Variants in MTFR1 observed in about 807,000 individuals in gnomAD.
MTFR1 encodes chondrocyte protein with a poly-proline region.
MTFR1 carries 28 observed loss-of-function variants against 38.8 expected under a neutral mutation model. The observed-to-expected ratio is 0.72, with a 90% confidence interval of 0.53 to 0.99. MTFR1 has a LOEUF of 0.99. Among genes scored for constraint, MTFR1 ranks in the 50% least tolerant of loss-of-function variants. MTFR1 has a pLI of 0.00. For missense variants in MTFR1, 358 were observed against 395.5 expected, an observed-to-expected ratio of 0.91 and a Z score of 0.81; for synonymous variants, 145 against 137.0, an observed-to-expected ratio of 1.06 and a Z score of -0.41.
rs536819533 is a variant in MTFR1, at chr8:65,770,649, A to G, written c.*49-298A>G. Among the ~76,000 whole-genome samples, 3 of 152,350 alleles carry G rather than the reference A, an allele frequency of 2.0e-5. No individual in the cohort carries two copies. The East Asian group carries it at 5.8e-4, about 29-fold the overall frequency. On this transcript the variant is annotated intron_variant, in intron 3 of 3. Transcript: ENST00000521247. ...TTAATACATGTTCCTATTATAAACA[A>G]GGTGAAAGTGAATGTCTTTGCACAT... is the stretch of plus-strand genomic sequence containing the variant.
At position 65,644,961 on chromosome 8, in the gene MTFR1, G is replaced by A. The variant is rs551416810; in HGVS notation, c.-81+177G>A. 3.3e-5 allele frequency among the ~76,000 whole-genome samples: 5 copies of A among 152,336 alleles called. No homozygotes were observed. The East Asian group carries it at 9.6e-4, about 29-fold the overall frequency. ...CGGTTGAGTGTTTGCCCCGCGGCCGGGAGGCAGAGACTGCCTCGGCTGAGG... is the reference window on the plus strand; with the variant it reads ...CGGTTGAGTGTTTGCCCCGCGGCCGAGAGGCAGAGACTGCCTCGGCTGAGG... On this transcript the variant is annotated intron_variant, in intron 1 of 7. Transcript: ENST00000262146.
At chr8:65,715,996 CAAAAAAAAAAAAAA>C (rs779701295) in intron 2 of MTFR1, among the ~76,000 whole-genome samples, 1,077 of 33,964 alleles carry the variant, frequency 0.032, 18 homozygotes, top group Admixed American at 0.065. Context: ...GGCTCTGTCT[CAAAAAAAAAAAAAA>C]AAAAAAAAAA....
At chr8:65,715,379 GTTT>G (rs869132666), downstream of MTFR1, among the ~76,000 whole-genome samples, 3 of 133,364 alleles carry the variant, frequency 2.2e-5, no homozygotes, top group African/African-American at 2.7e-5. Flanking sequence ...CTATAAAAAA[GTTT>G]TTTTTTTTTT....
chr8:65,719,421 T>C (rs1385236263), exon 3 of MTFR1: 1 of 1,614,022 alleles, frequency 6.2e-7, no homozygotes. Flanking sequence ...TGTCCAAGCA[T>C]TGTCTGGGAT....
At chr8:65,688,500 G>A in intron 3 of MTFR1, among the ~76,000 whole-genome samples, 1 of 146,350 alleles carries the variant, frequency 6.8e-6, no homozygotes. Flanking sequence ...CCAGGCTGGA[G>A]TGCAGTGGCG....
At chr8:65,730,400 G>A (rs529449610) in intron 3 of MTFR1, among the ~76,000 whole-genome samples, 21 of 151,162 alleles carry the variant, frequency 1.4e-4, no homozygotes, top group Admixed American at 3.9e-4. Context: ...GGCTGGTCTC[G>A]AACTCCCAAC....
intron 2 of MTFR1, among the ~76,000 whole-genome samples, chr8:65,677,183 C>T (rs1804734441): frequency 6.7e-6 from 1 of 150,270 alleles, no homozygotes; most frequent in Admixed American, 6.7e-5. Context: ...GCAATTCTGC[C>T]TCAAGCCTCC....
In MTFR1 at chr8:65,682,395, G is replaced by A. The variant is rs535623523; in HGVS notation, c.109G>A (p.Val37Ile). 1.6e-5 allele frequency: 25 copies of A among 1,571,580 alleles called. No homozygotes were observed. The highest frequency in any genetic ancestry group is 1.7e-4 in the Middle Eastern group (1 of 5,936). ...RKPYGSSRSI[V>I]RKIGTNLSLI... is the part of the protein sequence containing the mutation. ...GCCATATGGTTCGTCTCGAAGTATC[G>A]TAAGGAAAATTGGTACTAATTTGTC... Residue 37 changes from valine (V) to isoleucine (I), a missense_variant, in exon 3 of 8, where the codon GTA becomes ATA. Physicochemically the swap from Val to Ile is conservative, Grantham distance 29. Transcript: ENST00000262146.
chr8:65,644,274 T>C (rs952007496), upstream of MTFR1, among the ~76,000 whole-genome samples: 5 of 152,172 alleles, frequency 3.3e-5, no homozygotes, highest in South Asian at 8.3e-4. Flanking sequence ...CCCGCACTCC[T>C]GCTCTGCCTA....
At chr8:65,665,723 A>G (rs1223830673) in intron 1 of MTFR1, among the ~76,000 whole-genome samples, 1 of 152,208 alleles carries the variant, frequency 6.6e-6, no homozygotes, top group Non-Finnish European at 1.5e-5. Flanking sequence ...TCCTGAGCTC[A>G]AGGGACCCTC....
intron 3 of MTFR1, among the ~76,000 whole-genome samples, chr8:65,767,882 CAA>C (rs558012492): frequency 2.0e-5 from 3 of 152,114 alleles, no homozygotes; most frequent in Non-Finnish European, 4.4e-5. Context: ...TAATCCAACC[CAA>C]AAAGAGGGTC....
upstream of MTFR1, chr8:65,644,722 C>G (rs1808900127): frequency 6.6e-6 from 1 of 152,342 alleles, no homozygotes; most frequent in South Asian, 2.1e-4. Flanking sequence ...GCAGCAACGC[C>G]ACGGGACAGC....
chr8:65,727,116 A>G (rs1161088093), intron 3 of MTFR1: 5 of 1,190,242 alleles, frequency 4.2e-6, no homozygotes, highest in Non-Finnish European at 6.1e-6. Context: ...TCAAAATATG[A>G]AAGATTTTCT....
At chr8:65,700,481 G>A (rs910038118) in intron 4 of MTFR1, among the ~76,000 whole-genome samples, 2 of 151,940 alleles carry the variant, frequency 1.3e-5, no homozygotes, top group African/African-American at 4.8e-5. Flanking sequence ...CATGCACAAA[G>A]TAAGGCCTCA....
intron 5 of MTFR1, among the ~76,000 whole-genome samples, chr8:65,705,904 G>T (rs1331344421): frequency 6.6e-6 from 1 of 152,182 alleles, no homozygotes; most frequent in Non-Finnish European, 1.5e-5. Flanking sequence ...GGAAACTATA[G>T]CCTTGAAATT....
chr8:65,648,766 C>T (rs997592805), intron 1 of MTFR1, among the ~76,000 whole-genome samples: 15 of 152,096 alleles, frequency 9.9e-5, no homozygotes, highest in African/African-American at 3.6e-4. Flanking sequence ...AAAAAACATA[C>T]ATTGTAATGT....
chr8:65,679,827 A>G (rs371266405), intron 2 of MTFR1, among the ~76,000 whole-genome samples: 3 of 152,156 alleles, frequency 2.0e-5, no homozygotes, highest in East Asian at 3.8e-4. Context: ...ATAATCCTGT[A>G]TGATTATTGA....
chr8:65,679,798 T>G (rs1431507783), intron 2 of MTFR1: 1 of 152,228 alleles, frequency 6.6e-6, no homozygotes, highest in Non-Finnish European at 1.5e-5. Flanking sequence ...GTCCTCACGT[T>G]ATTAAGACTA....
At chr8:65,681,323 T>A (rs977764816) in intron 2 of MTFR1, among the ~76,000 whole-genome samples, 1 of 152,224 alleles carries the variant, frequency 6.6e-6, no homozygotes, top group Non-Finnish European at 1.5e-5. Context: ...TTTTGCCATG[T>A]TGGCCAGGCT....
Sources: gnomAD v4.1 joint callset for allele counts (sites outside exome capture counted in the v4.1 genomes callset) on GRCh38, gnomAD v4.1.1 for gene constraint, MANE v1.5 for transcripts, NCBI Gene and HGNC (gene_info 2026-07-23, HGNC 2026-07-21) for gene names.